The following MIOS variants were observed in gnomAD, a reference collection of about 807,000 sequenced individuals.
MIOS encodes GATOR2 complex protein MIOS.
MIOS carries 52 observed loss-of-function variants against 96.9 expected under a neutral mutation model. The observed-to-expected ratio is 0.54, with a 90% CI of 0.43 to 0.68. The LOEUF is 0.68. Ranked by LOEUF, MIOS falls within the 30% of genes least tolerant of loss-of-function variation. MIOS has a pLI of 0.00. For synonymous variants in MIOS, 397 were observed against 359.5 expected (o/e 1.10, Z -1.18); for missense variants, 1,005 against 1,052.8 (o/e 0.95, Z 0.63).
Position 7,568,113 on chromosome 7 carries a change from A to T in MIOS, c.-51A>T, listed in dbSNP as rs1286192397. ...TCACTGATGGGAAGTGAGACTTGTTAAACTTGAAAGGTGAGGATATAAATA... is the reference window on the plus strand; with the variant it reads ...TCACTGATGGGAAGTGAGACTTGTTTAACTTGAAAGGTGAGGATATAAATA... On this transcript the variant is annotated 5_prime_UTR_variant, in exon 3 of 13. An upstream open reading frame in the 5' UTR loses its in-frame stop. Coordinates refer to ENST00000340080, the MANE Select transcript of MIOS (RefSeq NM_019005.4). 1 of 152,224 alleles carries T rather than the reference A, an allele frequency of 6.6e-6. No homozygotes were observed. The highest frequency in any genetic ancestry group is 1.5e-5 in the Non-Finnish European group (1 of 68,036). The allele number at this position is 152,224 out of a possible 1,614,324, so 9.4% of individuals were successfully genotyped here.
intron 11 of MIOS, among the ~76,000 whole-genome samples, chr7:7,602,457 G>A (rs1318796151): frequency 6.6e-6 from 1 of 152,070 alleles, no homozygotes; most frequent in Non-Finnish European, 1.5e-5. Flanking sequence ...CAAATCATGA[G>A]TGAACTCCCA....
chr7:7,604,252 G>A (rs548128031), intron 11 of MIOS, among the ~76,000 whole-genome samples: 141 of 151,972 alleles, frequency 9.3e-4, no homozygotes, highest in Middle Eastern at 3.4e-3. Context: ...CTAGTGGCTC[G>A]AGTATCTAAA....
rs1346791605 is a variant in MIOS at position 7,589,464 on chromosome 7, A to G, written c.1944A>G (p.Gly648=). 3 of 1,613,726 alleles carry G rather than the reference A, an allele frequency of 1.9e-6. No homozygotes were observed. In the South Asian group the frequency reaches 3.3e-5, roughly 18 times the overall value. ...TGAAAGAGGCTGGAAATTTGGAAGG[A>G]ATTTTGCTTACAGGCCTTACTAAAG... ...NEMKEAGNLE[G]ILLTGLTKDG... is the part of the protein sequence containing the mutation. Residue 648 remains glycine (G), a synonymous_variant, in exon 9 of 13, where the codon GGA becomes GGG. Transcript: ENST00000340080.
rs1252591870 is a variant in MIOS, at chr7:7,573,566, C to T, written c.1091C>T (p.Thr364Ile). The T allele has an allele frequency of 6.2e-7, 1 of 1,614,066 alleles. No homozygotes were observed. The change falls in exon 4 of 13, where the codon ACA (threonine) becomes ATA (isoleucine). Residue 364 changes from threonine to isoleucine, a missense_variant. Transcript: ENST00000340080. This position sits in a 1 kb window ranked among gnomAD's most constrained non-coding sequence, Gnocchi z 5.0. ...ATATCTCTTGCCTGGAGCCCAATTA[C>T]ATCTTTAATGTGGGCTTGTGGTCGT... ...ERISLAWSPI[T>I]SLMWACGRHL... is the part of the protein sequence containing the mutation.
chr7:7,594,150 G>T lies in MIOS; in HGVS notation c.2044-830G>T, dbSNP rs1266744380. 2.0e-5 allele frequency among the ~76,000 whole-genome samples: 3 copies of T among 152,064 alleles called. No individual in the cohort carries two copies. The South Asian group carries it at 6.2e-4, about 32-fold the overall frequency. ...TGTTATTATTTTTAAGGCAAGAAAT[G>T]TATGTTTTAATTGAAGGCAAGAGTA... is the stretch of plus-strand genomic sequence containing the variant. On this transcript the variant is annotated intron_variant, in intron 9 of 12. Coordinates refer to ENST00000340080, the MANE Select transcript of MIOS (RefSeq NM_019005.4).
At chr7:7,595,766 A>C (rs989240721) in intron 10 of MIOS, among the ~76,000 whole-genome samples, 1 of 152,238 alleles carries the variant, frequency 6.6e-6, no homozygotes, top group African/African-American at 2.4e-5. Flanking sequence ...AGTGATTAAG[A>C]GCCTAGCAAT....
chr7:7,582,937 A>G, intron 5 of MIOS, 181 bp from the exon 6 acceptor site: 1 of 679,388 alleles, frequency 1.5e-6, no homozygotes, highest in Non-Finnish European at 2.3e-6. Flanking sequence ...TCAAGGAGCT[A>G]CTGTACTTAA....
intron 6 of MIOS, among the ~76,000 whole-genome samples, chr7:7,583,719 A>G (rs974668204): frequency 1.3e-5 from 2 of 152,172 alleles, no homozygotes; most frequent in Non-Finnish European, 2.9e-5. Context: ...TTAGCCTACA[A>G]GTATTTTTAC....
chr7:7,607,065 G>A lies in MIOS; in HGVS notation c.2601G>A (p.Leu867=), dbSNP rs533744438. 3 of 1,612,648 alleles carry A rather than the reference G, an allele frequency of 1.9e-6. No homozygotes were observed. Among genetic ancestry groups the A allele is most frequent in the Non-Finnish European group, 2.5e-6 (3 of 1,179,172 alleles). ...TGCAGTTGGATACAACAGGGAATCT[G>A]GTACCTGCAGAGACTGTCCAGCCAT... The part of the protein sequence containing the change: ...KCMQLDTTGN[L]VPAETVQP Residue 867 remains leucine, a synonymous_variant, in exon 13 of 13, where the codon CTG becomes CTA. Coordinates refer to ENST00000340080, the MANE Select transcript of MIOS (RefSeq NM_019005.4).
Position 7,573,200 on chromosome 7 carries a change from C to G in MIOS, c.725C>G (p.Ser242Cys). The change falls in exon 4 of 13, where the codon TCC becomes TGC. Residue 242 changes from serine (S) to cysteine (C), a missense_variant. Physicochemically the swap from Ser to Cys is moderately radical, Grantham distance 112 (BLOSUM62 -1). Transcript: ENST00000340080. This position sits in a 1 kb window ranked among gnomAD's most constrained non-coding sequence, Gnocchi z 5.0. ...VDPYFHDRVA[S>C]FYEGQVAIWD... Reference sequence around the variant, plus strand: ...CCATATTTCCACGATCGTGTTGCTTCCTTCTATGAAGGTCAGGTTGCAATA... The same window carrying G: ...CCATATTTCCACGATCGTGTTGCTTGCTTCTATGAAGGTCAGGTTGCAATA... 6.2e-7 allele frequency: 1 copy of G among 1,614,082 alleles called. No homozygotes were observed. The highest frequency in any genetic ancestry group is 1.1e-5 in the South Asian group (1 of 91,080).
intron 11 of MIOS, among the ~76,000 whole-genome samples, chr7:7,599,811 G>A (rs528325239): frequency 7.2e-5 from 11 of 152,278 alleles, no homozygotes; most frequent in African/African-American, 2.6e-4. Flanking sequence ...GCCCATCAGT[G>A]GTGGACTGGA....
chr7:7,601,042 A>G (rs1784360919), intron 11 of MIOS, among the ~76,000 whole-genome samples: 1 of 145,216 alleles, frequency 6.9e-6, no homozygotes, highest in African/African-American at 2.5e-5. Flanking sequence ...ACAACATACC[A>G]GAATCTCTGG....
intron 2 of MIOS, among the ~76,000 whole-genome samples, 159 bp from the exon 3 acceptor site, chr7:7,567,867 A>G (rs1206337726): frequency 2.0e-5 from 3 of 152,256 alleles, no homozygotes; most frequent in Non-Finnish European, 4.4e-5. Context: ...AAAATCCTCA[A>G]TAATTTTTGC....
rs780573329 is a variant in MIOS at position 7,572,645 on chromosome 7, A to G, written c.170A>G (p.Asn57Ser). Reference sequence around the variant, plus strand: ...TCTGCAGCTACATTACTGTCAATAAATTCAGATACACCCTATATGAAATGT... The same window carrying G: ...TCTGCAGCTACATTACTGTCAATAAGTTCAGATACACCCTATATGAAATGT... ...EDSAATLLSI[N>S]SDTPYMKCVA... Residue 57 changes from asparagine to serine, a missense_variant, in exon 4 of 13, where the codon AAT becomes AGT. Coordinates refer to ENST00000340080, the MANE Select transcript of MIOS (RefSeq NM_019005.4). The surrounding 1 kb of genome is among the most constrained non-coding windows in gnomAD (Gnocchi z 4.8). The G allele has an allele frequency of 3.1e-6, 5 of 1,614,186 alleles. No individual in the cohort carries two copies. In the Admixed American group the frequency reaches 8.3e-5, roughly 27 times the overall value.
chr7:7,599,467 G>C (rs118102421), intron 11 of MIOS, among the ~76,000 whole-genome samples: 1,899 of 152,278 alleles, frequency 0.012, 23 homozygotes, highest in Middle Eastern at 0.037. Context: ...TCTATCTGAA[G>C]GATATCTGGA....
intron 5 of MIOS, 37 bp downstream of exon 5, chr7:7,574,233 A>T: frequency 6.7e-7 from 1 of 1,484,496 alleles, no homozygotes; most frequent in East Asian, 2.3e-5. Flanking sequence ...CAATATGTTT[A>T]TAACTTTTGT....
intron 7 of MIOS, among the ~76,000 whole-genome samples, chr7:7,588,268 T>G (rs1275311452): frequency 6.6e-6 from 1 of 152,160 alleles, no homozygotes; most frequent in Non-Finnish European, 1.5e-5. Context: ...TGGCTAGTGT[T>G]TAAAAGGTAA....
intron 5 of MIOS, among the ~76,000 whole-genome samples, chr7:7,575,143 G>C (rs1783487951): frequency 6.6e-6 from 1 of 152,038 alleles, no homozygotes; most frequent in Non-Finnish European, 1.5e-5. Context: ...TTGGGCCCAA[G>C]TCAAGCTGTT....
chr7:7,599,479 A>C (rs1241606334), intron 11 of MIOS, among the ~76,000 whole-genome samples: 1 of 152,222 alleles, frequency 6.6e-6, no homozygotes, highest in South Asian at 2.1e-4. Context: ...ATATCTGGAA[A>C]GCTTTAGGAG....
Sources: gnomAD v4.1 joint callset for allele counts (sites outside exome capture counted in the v4.1 genomes callset) on GRCh38, gnomAD v4.1.1 for gene constraint, Gnocchi (gnomAD v3.1) non-coding constraint, MANE v1.5 for transcripts, NCBI Gene and HGNC (gene_info 2026-07-23, HGNC 2026-07-21) for gene names.